The following LRP1B variants were observed in gnomAD, a reference collection of about 807,000 sequenced individuals.
LRP1B encodes low-density lipoprotein receptor-related protein 1B.
LRP1B carries 217 observed loss-of-function variants against 556.6 expected under a neutral mutation model. That is an observed-to-expected ratio of 0.39 (90% CI 0.35 to 0.44). The LOEUF is 0.44. Ranked by LOEUF, LRP1B falls within the 20% of genes least tolerant of loss-of-function variation. The pLI is 1.00. For missense variants in LRP1B, 5,053 were observed against 5,620.8 expected (o/e 0.90, Z 3.23); for synonymous variants, 2,047 against 1,865.8 (o/e 1.10, Z -2.50).
At chr2:140,753,735 G>A (rs962235323) in intron 35 of LRP1B, among the ~76,000 whole-genome samples, 8 of 152,058 alleles carry the variant, frequency 5.3e-5, no homozygotes, top group Non-Finnish European at 1.0e-4. Flanking sequence ...TTTTACTATG[G>A]ACAGGAGTGG....
intron 76 of LRP1B, among the ~76,000 whole-genome samples, chr2:140,352,123 C>G (rs1399290305): frequency 6.6e-6 from 1 of 152,012 alleles, no homozygotes; most frequent in South Asian, 2.1e-4. Flanking sequence ...ATATTAAAAT[C>G]TATACCTACA....
chr2:140,902,883 T>A (rs1251883201), intron 23 of LRP1B, 37 bp downstream of exon 23: 1 of 1,599,406 alleles, frequency 6.3e-7, no homozygotes, highest in Non-Finnish European at 8.5e-7. Flanking sequence ...CAAGATCTAT[T>A]CTTAAATATA....
chr2:141,508,888 C>A (rs1684024288), intron 2 of LRP1B, among the ~76,000 whole-genome samples: 1 of 151,936 alleles, frequency 6.6e-6, no homozygotes, highest in Admixed American at 6.6e-5. Flanking sequence ...GATAATTTGT[C>A]CTGATATAAA....
At chr2:141,929,938 A>C (rs892857669) in intron 1 of LRP1B, among the ~76,000 whole-genome samples, 2 of 136,106 alleles carry the variant, frequency 1.5e-5, no homozygotes, top group Admixed American at 1.5e-4. Context: ...AAAAAAAAAA[A>C]GACAGTTAAT....
intron 56 of LRP1B, among the ~76,000 whole-genome samples, chr2:140,493,579 A>G (rs1688792726): frequency 8.4e-6 from 1 of 118,782 alleles, no homozygotes; most frequent in Non-Finnish European, 1.8e-5. Flanking sequence ...GCATTTTAAC[A>G]TCTTTTTTTT....
At chr2:141,605,628 A>C (rs1687891192) in intron 2 of LRP1B, among the ~76,000 whole-genome samples, 1 of 152,190 alleles carries the variant, frequency 6.6e-6, no homozygotes, top group Admixed American at 6.5e-5. Context: ...TACATGATCC[A>C]CTGGGCTCTG....
chr2:141,921,021 A>G (rs1366315078), intron 1 of LRP1B, among the ~76,000 whole-genome samples: 1 of 152,042 alleles, frequency 6.6e-6, no homozygotes, highest in East Asian at 1.9e-4. Flanking sequence ...TAGCAGCCCA[A>G]TCACATCTTC....
At chr2:141,323,244 T>C (rs113573110) in intron 3 of LRP1B, among the ~76,000 whole-genome samples, 3,195 of 152,090 alleles carry the variant, frequency 0.021, 57 homozygotes, top group Non-Finnish European at 0.034. Flanking sequence ...TTTACGTAGT[T>C]CCATAGTACC....
chr2:142,130,893 TCTC>T lies in LRP1B; in HGVS notation c.-167_-165del, dbSNP rs1242196053. ...CTCAATGAGTCCAGCCAGTCAGCCT[TCTC>T]CTGCCTGGAGCAGGATGTGGAAGGT... is the stretch of plus-strand genomic sequence containing the variant. On this transcript the variant is annotated 5_prime_UTR_variant, in exon 1 of 91. Transcript: ENST00000389484. The T allele has an allele frequency of 1.3e-5, 9 of 677,354 alleles. No homozygotes were observed. The highest frequency in any genetic ancestry group is 6.5e-5 in the Admixed American group (3 of 45,998). The allele number at this position is 677,354 out of a possible 1,614,324, so 42.0% of individuals were successfully genotyped here. A position where few individuals can be genotyped will look rare whatever the true frequency, so the allele number is the denominator to read the frequency against.
chr2:141,860,821 A>G (rs955698375), intron 1 of LRP1B, among the ~76,000 whole-genome samples: 7 of 152,202 alleles, frequency 4.6e-5, no homozygotes, highest in Non-Finnish European at 1.0e-4. Context: ...GTATCATTAC[A>G]CTTCATCTTC....
intron 41 of LRP1B, among the ~76,000 whole-genome samples, chr2:140,673,876 T>C (rs890151194): frequency 6.6e-6 from 1 of 152,088 alleles, no homozygotes; most frequent in Non-Finnish European, 1.5e-5. Flanking sequence ...ACAGACTCTT[T>C]GTAGCAATAA....
At chr2:141,895,309 C>G (rs1332169641) in intron 1 of LRP1B, among the ~76,000 whole-genome samples, 1 of 152,086 alleles carries the variant, frequency 6.6e-6, no homozygotes, top group Admixed American at 6.6e-5. Flanking sequence ...AGCAGTCAGG[C>G]AGAAAATATT....
intron 71 of LRP1B, among the ~76,000 whole-genome samples, chr2:140,367,471 C>A (rs961155527): frequency 4.6e-5 from 7 of 151,710 alleles, no homozygotes; most frequent in East Asian, 1.9e-4. Flanking sequence ...CCATGTGAGA[C>A]TCCGACAATT....
rs2104951946 is a variant in LRP1B at position 140,274,466 on chromosome 2, C to A, written c.13100G>T (p.Gly4367Val). 1 of 1,612,576 alleles carries A rather than the reference C, an allele frequency of 6.2e-7. No individual in the cohort carries two copies. The highest frequency in any genetic ancestry group is 8.5e-7 in the Non-Finnish European group (1 of 1,179,084). The change falls in exon 85 of 91, where the codon GGG (glycine) becomes GTG (valine). Residue 4367 changes from glycine (G) to valine (V), a missense_variant. Coordinates refer to ENST00000389484, the MANE Select transcript of LRP1B (RefSeq NM_018557.3). Reference sequence around the variant, plus strand: ...ACTGTCTTTATTTATAATGCAGTGCCCCCCATGGCACCTTACACACTTGTC... The same window carrying A: ...ACTGTCTTTATTTATAATGCAGTGCACCCCATGGCACCTTACACACTTGTC... ...EVDKCVRCHG[G>V]HCIINKDSED...
At chr2:140,743,903 G>A (rs1688223805) in intron 35 of LRP1B, among the ~76,000 whole-genome samples, 1 of 133,454 alleles carries the variant, frequency 7.5e-6, no homozygotes, top group African/African-American at 2.8e-5. Flanking sequence ...GGAGGGGGAT[G>A]TTGCAGTGAG....
intron 3 of LRP1B, among the ~76,000 whole-genome samples, chr2:141,365,651 G>GTTGTTTTTTTTTTTTT (rs1559031828): frequency 1.5e-5 from 1 of 66,030 alleles, no homozygotes; most frequent in Non-Finnish European, 3.9e-5. Flanking sequence ...GTTTGTTTTT[G>GTTGTTTTTTTTTTTTT]TTGCTTTTTT....
intron 7 of LRP1B, among the ~76,000 whole-genome samples, chr2:141,162,821 T>G (rs1255638876): frequency 3.9e-5 from 6 of 152,140 alleles, no homozygotes; most frequent in Non-Finnish European, 8.8e-5. Context: ...ATAATATCCC[T>G]CCATGCATCC....
intron 72 of LRP1B, among the ~76,000 whole-genome samples, chr2:140,361,376 AT>A (rs1682505458): frequency 7.4e-6 from 1 of 135,908 alleles, no homozygotes; most frequent in African/African-American, 2.7e-5. Context: ...ATATATATAT[AT>A]ATAACAAAAA....
intron 3 of LRP1B, among the ~76,000 whole-genome samples, chr2:141,423,106 T>A (rs1298865776): frequency 6.6e-6 from 1 of 151,878 alleles, no homozygotes; most frequent in Non-Finnish European, 1.5e-5. Flanking sequence ...ATGTTTTAAT[T>A]TTTCTATTTC....
Sources: gnomAD v4.1 joint callset for allele counts (sites outside exome capture counted in the v4.1 genomes callset) on GRCh38, gnomAD v4.1.1 for gene constraint, MANE v1.5 for transcripts, NCBI Gene and HGNC (gene_info 2026-07-23, HGNC 2026-07-21) for gene names.